The following SUGP1 variants were observed in gnomAD, a reference collection of about 807,000 sequenced individuals.
SUGP1 encodes the protein SURP and G-patch domain-containing protein 1.
SUGP1 carries 34 observed loss-of-function variants against 76.5 expected under a neutral mutation model. The ratio of observed to expected loss-of-function variants is 0.44; its 90% CI spans 0.34 to 0.59. The LOEUF (loss-of-function observed/expected upper bound fraction) is 0.59, where lower values mean the gene tolerates loss of function less well. Among genes scored for constraint, SUGP1 ranks in the 20% least tolerant of loss-of-function variants. The pLI, the probability that SUGP1 is intolerant of heterozygous loss-of-function variation, is 0.01. For missense variants in SUGP1, 752 were observed against 851.7 expected (o/e 0.88, Z 1.46); for synonymous variants, 326 against 326.2 (o/e 1.00, Z 0.01).
At chr19:19,314,469 T>C (rs774689509) in intron 2 of SUGP1, among the ~76,000 whole-genome samples, 1 of 152,240 alleles carries the variant, frequency 6.6e-6, no homozygotes, top group Non-Finnish European at 1.5e-5. Flanking sequence ...TTTCCTACCA[T>C]GTACATGAAT....
rs762453182 is a variant in SUGP1 at position 19,297,190 on chromosome 19, G to T, written c.1042C>A (p.Pro348Thr). ...GAGGCGGGGCAGGTGGTGGCTGGGG[G>T]TAAGGACCCTGACAGGGCCTCAGGA... ...SPPEALSGSL[P>T]PATTCPASST... The change falls in exon 8 of 14, where the codon CCC becomes ACC. Residue 348 changes from proline to threonine, a missense_variant. This residue lies in a region of SUGP1 where 620 missense variants were observed against 617.3 expected (regional missense o/e 1.00). Transcript: ENST00000247001. 2.5e-6 allele frequency: 4 copies of T among 1,609,188 alleles called. No individual in the cohort carries two copies. The highest frequency in any genetic ancestry group is 3.4e-6 in the Non-Finnish European group (4 of 1,176,302).
rs774696589 is a variant in SUGP1 at position 19,303,330 on chromosome 19, C to T, written c.763+18G>A. On this transcript the variant is annotated intron_variant, in intron 6 of 13. Coordinates refer to ENST00000247001, the MANE Select transcript of SUGP1 (RefSeq NM_172231.4). ...CCACAGGCCTCCCCAGAATCTCCCA[C>T]CCGCTCCGTCCACCTACCTTTCTGA... 60 of 1,610,018 alleles carry T rather than the reference C, an allele frequency of 3.7e-5. No individual in the cohort carries two copies. The highest frequency in any genetic ancestry group is 4.8e-5 in the Non-Finnish European group (57 of 1,176,536).
rs55849619 is a variant in SUGP1, at chr19:19,318,113, C to CTTTTCT, written c.35-1521_35-1520insAGAAAA. Among the ~76,000 whole-genome samples the CTTTTCT allele has an allele frequency of 5.0e-4, 49 of 97,682 alleles. 1 individual carries two copies. Among genetic ancestry groups the CTTTTCT allele is most frequent in the South Asian group, 2.1e-3 (6 of 2,872 alleles). 64.1% of individuals were successfully genotyped at this position (97,682 alleles called of 152,430 possible). On this transcript the variant is annotated intron_variant, in intron 1 of 13. Transcript: ENST00000247001. ...GGCGTGAGCCACCGAACCCAGCCTTCTTTTTTTTTTTTTTTTTTTTTGAGA... is the reference window on the plus strand; with the variant it reads ...GGCGTGAGCCACCGAACCCAGCCTTCTTTTCTTTTTTTTTTTTTTTTTTTTTTGAGA...
intron 1 of SUGP1, among the ~76,000 whole-genome samples, chr19:19,318,864 A>G (rs1267750697): frequency 2.6e-5 from 4 of 152,202 alleles, no homozygotes; most frequent in African/African-American, 9.7e-5. Context: ...CTAGGGTGAT[A>G]GTATGGAGAC....
At chr19:19,299,813 T>C (rs4808193) in intron 7 of SUGP1, among the ~76,000 whole-genome samples, 63,375 of 151,248 alleles carry the variant, frequency 0.42, 14,769 homozygotes, top group African/African-American at 0.62. Flanking sequence ...TTTTTCAAGA[T>C]GGAGTTTCAC....
intron 8 of SUGP1, among the ~76,000 whole-genome samples, chr19:19,286,850 C>T (rs984185911): frequency 6.6e-6 from 1 of 152,214 alleles, no homozygotes; most frequent in Non-Finnish European, 1.5e-5. Context: ...TCGAGAGCAG[C>T]CTGGCTAACA....
chr19:19,304,173 A>G (rs1384127739), intron 4 of SUGP1: 3 of 594,600 alleles, frequency 5.0e-6, no homozygotes, highest in Admixed American at 2.8e-5. Flanking sequence ...AGTTTTCAGC[A>G]TAATACATCG....
chr19:19,306,125 T>TC (rs1167319279), intron 3 of SUGP1, 49 bp from the exon 4 acceptor site: 2 of 1,455,354 alleles, frequency 1.4e-6, no homozygotes, highest in Non-Finnish European at 1.8e-6. Context: ...AGGGCACCTC[T>TC]CCCGGCTTCC....
intron 8 of SUGP1, among the ~76,000 whole-genome samples, chr19:19,293,576 C>G (rs2061202205): frequency 1.7e-5 from 2 of 119,394 alleles, no homozygotes; most frequent in African/African-American, 8.2e-5. Context: ...AAGACTCTGT[C>G]TCAAAAAAAA....
At chr19:19,320,070 T>C (rs2061429642) in intron 1 of SUGP1, among the ~76,000 whole-genome samples, 1 of 152,174 alleles carries the variant, frequency 6.6e-6, no homozygotes, top group African/African-American at 2.4e-5. Flanking sequence ...CTCAAAGCAC[T>C]TCGGAAAAGC....
intron 9 of SUGP1, 123 bp from the exon 10 acceptor site, chr19:19,279,513 G>A: frequency 9.1e-7 from 1 of 1,093,278 alleles, no homozygotes; most frequent in Non-Finnish European, 1.3e-6. Context: ...GGACCCCTGG[G>A]CAGGACTGGA....
intron 12 of SUGP1, 107 bp downstream of exon 12, chr19:19,277,627 T>C: frequency 1.4e-6 from 2 of 1,422,524 alleles, no homozygotes; most frequent in Non-Finnish European, 1.9e-6. Context: ...TGTGATCATT[T>C]TGCCACAAGG....
intron 8 of SUGP1, among the ~76,000 whole-genome samples, chr19:19,287,023 C>G (rs2061145827): frequency 6.6e-6 from 1 of 152,116 alleles, no homozygotes; most frequent in Non-Finnish European, 1.5e-5. Context: ...GCCTGTAATC[C>G]CAGTACTTTG....
At chr19:19,319,798 C>T (rs765283405) in intron 1 of SUGP1, among the ~76,000 whole-genome samples, 1 of 151,290 alleles carries the variant, frequency 6.6e-6, no homozygotes, top group Non-Finnish European at 1.5e-5. Flanking sequence ...TCATATCATA[C>T]GTAACCTCAC....
Position 19,280,297 on chromosome 19 carries a change from A to T in SUGP1, c.1244-6T>A. On this transcript the variant is annotated splice_region_variant and splice_polypyrimidine_tract_variant and intron_variant, in intron 8 of 13. Transcript: ENST00000247001. ...GAGCCCCTTGAGGTCCTGAACTGGA[A>T]ACCAAAGACACAGGGTAGTCAGAGC... is the stretch of plus-strand genomic sequence containing the variant. 1 of 1,613,262 alleles carries T rather than the reference A, an allele frequency of 6.2e-7. No individual in the cohort carries two copies.
At chr19:19,297,723 G>A (rs962706374) in intron 7 of SUGP1, among the ~76,000 whole-genome samples, 2 of 152,236 alleles carry the variant, frequency 1.3e-5, no homozygotes, top group East Asian at 1.9e-4. Context: ...CACCAGACAC[G>A]AGACAGGGCA....
Position 19,310,218 on chromosome 19 carries a change from G to A in SUGP1, c.207-18C>T. On this transcript the variant is annotated intron_variant, in intron 2 of 13. Transcript: ENST00000247001. The stretch of plus-strand genomic sequence containing the variant: ...TTGTGATTCTAGAACCAAGACAGAG[G>A]ACAGAGAGGGTGAGCTGGCTAGAGA... 4 of 1,594,642 alleles carry A rather than the reference G, an allele frequency of 2.5e-6. No homozygotes were observed. Among genetic ancestry groups the A allele is most frequent in the Non-Finnish European group, 2.6e-6 (3 of 1,162,812 alleles).
chr19:19,315,924 C>G (rs1325432146), intron 2 of SUGP1, among the ~76,000 whole-genome samples: 1 of 152,024 alleles, frequency 6.6e-6, no homozygotes, highest in Non-Finnish European at 1.5e-5. Context: ...CTTTGCCTGC[C>G]AGATCCCAGA....
At chr19:19,305,109 G>A (rs369104115) in intron 4 of SUGP1, among the ~76,000 whole-genome samples, 2 of 152,196 alleles carry the variant, frequency 1.3e-5, no homozygotes, top group East Asian at 3.9e-4. Context: ...TGGCCCGGGG[G>A]CCAAGCTGGC....
Sources: gnomAD v4.1 joint callset for allele counts (sites outside exome capture counted in the v4.1 genomes callset) on GRCh38, gnomAD v4.1.1 for gene constraint, gnomAD v4.1.1 regional missense constraint, MANE v1.5 for transcripts, NCBI Gene and HGNC (gene_info 2026-07-23, HGNC 2026-07-21) for gene names.